The following KCNJ15 variants were observed in gnomAD, a reference collection of about 807,000 sequenced individuals.
The protein encoded by KCNJ15 is potassium inwardly rectifying channel subfamily J member 15.
In KCNJ15, 14 loss-of-function variants were observed where a neutral mutation model predicts 23.0. The observed-to-expected ratio is 0.61, with a 90% CI of 0.40 to 0.95. KCNJ15 has a LOEUF of 0.95. Ranked by LOEUF, KCNJ15 falls within the 40% of genes least tolerant of loss-of-function variation. KCNJ15 has a pLI of 0.00. For missense variants in KCNJ15, 388 were observed against 461.8 expected, an observed-to-expected ratio of 0.84 and a Z score of 1.46; for synonymous variants, 185 against 183.2, an observed-to-expected ratio of 1.01 and a Z score of -0.08.
intron 1 of KCNJ15, among the ~76,000 whole-genome samples, chr21:38,286,019 G>A (rs1443031781): frequency 3.9e-5 from 6 of 152,104 alleles, no homozygotes; most frequent in Admixed American, 2.6e-4. Context: ...CGAGGCGGGC[G>A]GATCACGAGG....
Position 38,299,401 on chromosome 21 carries a change from A to G in KCNJ15, c.140A>G (p.Tyr47Cys). Residue 47 changes from tyrosine (Y) to cysteine (C), a missense_variant, in exon 3 of 3, where the codon TAC becomes TGC. By Grantham distance (194) the Tyr-to-Cys change is radical (BLOSUM62 -2). Transcript: ENST00000398938. The surrounding 1 kb of genome is among the most constrained non-coding windows in gnomAD (Gnocchi z 4.5). The stretch of plus-strand genomic sequence containing the variant: ...AGAATTGACAAAGTGGATGGCATAT[A>G]CCTACTCTACCTGCAAGACCTGTGG... ...NVRIDKVDGI[Y>C]LLYLQDLWTT... 1 of 1,614,200 alleles carries G rather than the reference A, an allele frequency of 6.2e-7. No individual in the cohort carries two copies. The highest frequency in any genetic ancestry group is 8.5e-7 in the Non-Finnish European group (1 of 1,180,034).
At chr21:38,272,008 A>C (rs1329202553) in intron 1 of KCNJ15, among the ~76,000 whole-genome samples, 2 of 152,224 alleles carry the variant, frequency 1.3e-5, no homozygotes, top group African/African-American at 2.4e-5. Context: ...TGACAGTTTT[A>C]AGAATTACTA....
chr21:38,279,254 G>T (rs1220439819), intron 1 of KCNJ15, among the ~76,000 whole-genome samples: 1 of 151,868 alleles, frequency 6.6e-6, no homozygotes, highest in East Asian at 1.9e-4. Flanking sequence ...GCAATCAAAG[G>T]GAGGAACCAC....
intron 1 of KCNJ15, among the ~76,000 whole-genome samples, chr21:38,281,705 T>C (rs1360216921): frequency 6.6e-6 from 1 of 152,210 alleles, no homozygotes; most frequent in Non-Finnish European, 1.5e-5. Context: ...ATGTATTTGC[T>C]CTAGTGAATA....
Position 38,303,719 on chromosome 21 carries a change from C to A in KCNJ15, c.*3330C>A, listed in dbSNP as rs914764314. On this transcript the variant is annotated 3_prime_UTR_variant, in exon 3 of 3. Transcript: ENST00000398938. ...TTGGATTTTTATTTGAATTAAATTTCCCAATTTTTAATAGACTGTGATTTC... is the reference window on the plus strand; with the variant it reads ...TTGGATTTTTATTTGAATTAAATTTACCAATTTTTAATAGACTGTGATTTC... 2 of 152,060 alleles carry A rather than the reference C, an allele frequency of 1.3e-5. No homozygotes were observed. Among genetic ancestry groups the A allele is most frequent in the Non-Finnish European group, 2.9e-5 (2 of 68,006 alleles). 9.4% of individuals were successfully genotyped at this position (152,060 alleles called of 1,614,324 possible).
At chr21:38,258,650 A>C (rs1980539177) in intron 1 of KCNJ15, among the ~76,000 whole-genome samples, 1 of 152,226 alleles carries the variant, frequency 6.6e-6, no homozygotes, top group Non-Finnish European at 1.5e-5. Flanking sequence ...AAATGTATAA[A>C]TAGTCTGGGG....
chr21:38,280,501 T>C (rs1569005341), intron 1 of KCNJ15, among the ~76,000 whole-genome samples: 1 of 152,068 alleles, frequency 6.6e-6, no homozygotes, highest in Non-Finnish European at 1.5e-5. Flanking sequence ...TATATAGAGG[T>C]AGCTGTTATT....
chr21:38,289,827 G>A (rs1984395891), intron 1 of KCNJ15, among the ~76,000 whole-genome samples: 1 of 152,182 alleles, frequency 6.6e-6, no homozygotes, highest in African/African-American at 2.4e-5. Flanking sequence ...CCAGACATCA[G>A]TGTTCCTGTT....
chr21:38,288,444 T>C (rs1465042076), intron 1 of KCNJ15, among the ~76,000 whole-genome samples: 2 of 152,144 alleles, frequency 1.3e-5, no homozygotes, highest in African/African-American at 4.8e-5. Context: ...AATTTTACCT[T>C]TGCATGCAGG....
rs1985683882 is a variant in KCNJ15, at chr21:38,300,490, C to G, written c.*101C>G. Reference sequence around the variant, plus strand: ...GTGAAAACGAAAATGTGTAGACGCACTCTCAAAAACTGCACGGACATACAA... The same window carrying G: ...GTGAAAACGAAAATGTGTAGACGCAGTCTCAAAAACTGCACGGACATACAA... On this transcript the variant is annotated 3_prime_UTR_variant, in exon 3 of 3. Transcript: ENST00000398938. The G allele has an allele frequency of 2.1e-6, 2 of 930,290 alleles. No individual in the cohort carries two copies. Among genetic ancestry groups the G allele is most frequent in the Non-Finnish European group, 3.3e-6 (2 of 615,216 alleles). 57.6% of individuals were successfully genotyped at this position (930,290 alleles called of 1,614,324 possible).
chr21:38,267,070 T>G (rs527535583), intron 1 of KCNJ15, among the ~76,000 whole-genome samples: 2 of 152,138 alleles, frequency 1.3e-5, no homozygotes, highest in African/African-American at 2.4e-5. Flanking sequence ...TGGACCAGCA[T>G]GGTGGCTGTG....
At position 38,306,639 on chromosome 21, in the gene KCNJ15, A is replaced by G. The variant is rs890810228; in HGVS notation, c.*6250A>G. On this transcript the variant is annotated 3_prime_UTR_variant, in exon 3 of 3. Coordinates refer to ENST00000398938, the MANE Select transcript of KCNJ15 (RefSeq NM_170736.3). ...ACTGTATCAGCGGCTTTTTACAAAA[A>G]CAAACCTCCAGATCACAAAAGGAAG... The G allele has an allele frequency of 1.3e-5, 2 of 152,230 alleles. No individual in the cohort carries two copies. Among genetic ancestry groups the G allele is most frequent in the African/African-American group, 4.8e-5 (2 of 41,464 alleles). The allele number at this position is 152,230 out of a possible 1,614,324, so 9.4% of individuals were successfully genotyped here.
At chr21:38,258,486 TATA>T (rs1980519520) in intron 1 of KCNJ15, among the ~76,000 whole-genome samples, 1 of 152,228 alleles carries the variant, frequency 6.6e-6, no homozygotes, top group Non-Finnish European at 1.5e-5. Flanking sequence ...TCTCTGTTAA[TATA>T]ATAAGTGACC....
intron 1 of KCNJ15, among the ~76,000 whole-genome samples, chr21:38,250,800 C>G (rs998485580): frequency 6.6e-6 from 1 of 152,342 alleles, no homozygotes; most frequent in East Asian, 1.9e-4. Flanking sequence ...TGAATCACTA[C>G]TTTTGTCTTC....
intron 1 of KCNJ15, among the ~76,000 whole-genome samples, chr21:38,278,050 G>A (rs1210628066): frequency 1.3e-5 from 2 of 152,212 alleles, no homozygotes; most frequent in Non-Finnish European, 2.9e-5. Flanking sequence ...TCAGTAAACA[G>A]CTATGTGTAC....
At chr21:38,291,025 C>T (rs7279676) in intron 1 of KCNJ15, among the ~76,000 whole-genome samples, 57,602 of 150,918 alleles carry the variant, frequency 0.38, 13,515 homozygotes, top group Non-Finnish European at 0.53. Flanking sequence ...CACACACACA[C>T]GTATATATAG....
intron 1 of KCNJ15, among the ~76,000 whole-genome samples, chr21:38,270,118 T>C (rs534904469): frequency 2.2e-4 from 33 of 152,320 alleles, no homozygotes; most frequent in African/African-American, 7.9e-4. Context: ...TCAAGGCCTG[T>C]CAAGACTCAG....
In KCNJ15 at chr21:38,289,711, C is replaced by A. The variant is rs192192059; in HGVS notation, c.-116-7215C>A. On this transcript the variant is annotated intron_variant, in intron 1 of 2. Transcript: ENST00000398938. ...TTGTGCCACTCCACTCCAGCCTGGG[C>A]GACAGAGACAGACTCCATCTCAAAA... 1.8e-4 allele frequency among the ~76,000 whole-genome samples: 27 copies of A among 152,144 alleles called. 1 individual carries two copies. The highest frequency in any genetic ancestry group is 2.9e-4 in the Non-Finnish European group (20 of 67,976).
At chr21:38,258,281 A>G (rs764253055) in intron 1 of KCNJ15, among the ~76,000 whole-genome samples, 3 of 152,218 alleles carry the variant, frequency 2.0e-5, no homozygotes, top group Non-Finnish European at 4.4e-5. Context: ...TGTCCTAAAA[A>G]TCAAAAGAAA....
Sources: gnomAD v4.1 joint callset for allele counts (sites outside exome capture counted in the v4.1 genomes callset) on GRCh38, gnomAD v4.1.1 for gene constraint, Gnocchi (gnomAD v3.1) non-coding constraint, MANE v1.5 for transcripts, NCBI Gene and HGNC (gene_info 2026-07-23, HGNC 2026-07-21) for gene names.